PPP3R1: variants seen among roughly 807,000 people sequenced by gnomAD.
PPP3R1 encodes calcineurin subunit B type 1.
Under a neutral mutation model 22.6 loss-of-function variants are expected in PPP3R1, and 5 were observed. That is an observed-to-expected ratio of 0.22 (90% CI 0.12 to 0.46). The LOEUF (loss-of-function observed/expected upper bound fraction) is 0.46, where lower values mean the gene tolerates loss of function less well. Among genes scored for constraint, PPP3R1 ranks in the 20% least tolerant of loss-of-function variants. The pLI is 0.99. For synonymous variants in PPP3R1, 56 were observed against 65.2 expected (o/e 0.86, Z 0.68); for missense variants, 61 against 203.2 (o/e 0.30, Z 4.25).
At chr2:68,236,387 T>C (rs1572975813) in intron 1 of PPP3R1, among the ~76,000 whole-genome samples, 1 of 152,204 alleles carries the variant, frequency 6.6e-6, no homozygotes, top group Non-Finnish European at 1.5e-5. Context: ...ATTTATTATC[T>C]GGTCCTTTGC....
chr2:68,202,312 C>T (rs962836726), intron 2 of PPP3R1, among the ~76,000 whole-genome samples: 1 of 152,134 alleles, frequency 6.6e-6, no homozygotes, highest in Non-Finnish European at 1.5e-5. Context: ...ACCTCATTAC[C>T]GAAACTACAA....
intron 1 of PPP3R1, among the ~76,000 whole-genome samples, chr2:68,235,617 G>A (rs1237339869): frequency 6.6e-6 from 1 of 151,952 alleles, no homozygotes; most frequent in East Asian, 1.9e-4. Flanking sequence ...TAAACATTTG[G>A]ACTGTTTCCA....
chr2:68,251,854 G>A (rs1191384421), intron 1 of PPP3R1, among the ~76,000 whole-genome samples: 1 of 147,752 alleles, frequency 6.8e-6, no homozygotes, highest in Non-Finnish European at 1.5e-5. Flanking sequence ...GGCGGCGCGG[G>A]GGTGGGGCGA....
intron 2 of PPP3R1, among the ~76,000 whole-genome samples, chr2:68,196,503 G>C (rs542741665): frequency 2.1e-4 from 32 of 152,046 alleles, no homozygotes; most frequent in Non-Finnish European, 3.4e-4. Context: ...ATTATGAAAT[G>C]AACACAGGTC....
At chr2:68,212,506 T>C (rs1669506258) in intron 2 of PPP3R1, among the ~76,000 whole-genome samples, 2 of 152,232 alleles carry the variant, frequency 1.3e-5, no homozygotes, top group Non-Finnish European at 2.9e-5. Context: ...TACTCTTTAC[T>C]CCATGGGCTA....
intron 1 of PPP3R1, among the ~76,000 whole-genome samples, chr2:68,240,438 AAAAC>A (rs1285260076): frequency 6.6e-6 from 1 of 152,194 alleles, no homozygotes; most frequent in Non-Finnish European, 1.5e-5. Flanking sequence ...TAACAGATGA[AAAAC>A]AAAACAGACA....
At chr2:68,223,739 T>C (rs1174445580) in intron 1 of PPP3R1, among the ~76,000 whole-genome samples, 5 of 149,504 alleles carry the variant, frequency 3.3e-5, no homozygotes, top group Admixed American at 2.0e-4. Context: ...AAAAGTGTCA[T>C]ATGTAATAAG....
intron 1 of PPP3R1, among the ~76,000 whole-genome samples, chr2:68,219,263 T>G (rs1205584799): frequency 6.6e-6 from 1 of 152,218 alleles, no homozygotes; most frequent in Admixed American, 6.5e-5. Context: ...ACAGCAAGAA[T>G]GTCTTCATAG....
intron 1 of PPP3R1, among the ~76,000 whole-genome samples, chr2:68,231,608 T>C (rs930600777): frequency 1.3e-5 from 2 of 152,222 alleles, no homozygotes; most frequent in Non-Finnish European, 2.9e-5. Flanking sequence ...TTTACACTTT[T>C]ATCATTTTAT....
chr2:68,234,914 C>T (rs1208509508), intron 1 of PPP3R1, among the ~76,000 whole-genome samples: 1 of 152,022 alleles, frequency 6.6e-6, no homozygotes, highest in Non-Finnish European at 1.5e-5. Context: ...TTGACTATGG[C>T]CATAGGAAAT....
chr2:68,211,166 G>A lies in PPP3R1; in HGVS notation c.43+5926C>T, dbSNP rs1669474999. Among the ~76,000 whole-genome samples the A allele has an allele frequency of 2.0e-5, 3 of 152,224 alleles. No individual in the cohort carries two copies. In the South Asian group the frequency reaches 6.2e-4, roughly 32 times the overall value. The stretch of plus-strand genomic sequence containing the variant: ...TCACGCCTGTAATCCCAGCACTTTG[G>A]GAGGCCGAGACAGGCGGATCACAAG... On this transcript the variant is annotated intron_variant, in intron 2 of 5. Coordinates refer to ENST00000234310, the MANE Select transcript of PPP3R1 (RefSeq NM_000945.4).
chr2:68,249,871 T>C (rs1211584574), intron 1 of PPP3R1, among the ~76,000 whole-genome samples: 1 of 152,240 alleles, frequency 6.6e-6, no homozygotes, highest in East Asian at 1.9e-4. Flanking sequence ...CTGTAAATGC[T>C]GTTGACAGAA....
At chr2:68,199,486 T>A (rs1476083718) in intron 2 of PPP3R1, among the ~76,000 whole-genome samples, 1 of 152,164 alleles carries the variant, frequency 6.6e-6, no homozygotes, top group East Asian at 1.9e-4. Context: ...GGACTTCAAA[T>A]ACAACGTTGA....
chr2:68,214,146 A>G (rs1270152623), intron 2 of PPP3R1, among the ~76,000 whole-genome samples: 1 of 152,190 alleles, frequency 6.6e-6, no homozygotes, highest in Non-Finnish European at 1.5e-5. Flanking sequence ...AACTCAAGGT[A>G]GATTAAAGAC....
chr2:68,227,253 C>T (rs1159224034), intron 1 of PPP3R1, among the ~76,000 whole-genome samples: 1 of 151,890 alleles, frequency 6.6e-6, no homozygotes, highest in Non-Finnish European at 1.5e-5. Context: ...AACTGACAAT[C>T]GTAATAGAAT....
At chr2:68,223,516 A>G (rs971428333) in intron 1 of PPP3R1, among the ~76,000 whole-genome samples, 1 of 152,232 alleles carries the variant, frequency 6.6e-6, no homozygotes, top group Non-Finnish European at 1.5e-5. Flanking sequence ...ACTGAGGATT[A>G]TTCCAGCAAT....
At chr2:68,250,284 C>A (rs1286409144) in intron 1 of PPP3R1, among the ~76,000 whole-genome samples, 2 of 151,898 alleles carry the variant, frequency 1.3e-5, no homozygotes, top group Admixed American at 6.5e-5. Context: ...GACAAGAAAA[C>A]AGAGTTAACA....
At position 68,242,089 on chromosome 2, in the gene PPP3R1, G is replaced by A. The variant is rs373929481; in HGVS notation, c.3+10036C>T. Among the ~76,000 whole-genome samples, 133 of 152,220 alleles carry A rather than the reference G, an allele frequency of 8.7e-4. 1 individual carries two copies. The South Asian group carries it at 0.026, about 30-fold the overall frequency. On this transcript the variant is annotated intron_variant, in intron 1 of 5. Coordinates refer to ENST00000234310, the MANE Select transcript of PPP3R1 (RefSeq NM_000945.4). ...TTTAAAATTTAAACAACCACATACA[G>A]CTAGTGTCTACTGAATTAAACATCA... is the stretch of plus-strand genomic sequence containing the variant.
intron 1 of PPP3R1, among the ~76,000 whole-genome samples, chr2:68,243,587 A>G (rs368234713): frequency 6.6e-6 from 1 of 152,176 alleles, no homozygotes; most frequent in Non-Finnish European, 1.5e-5. Flanking sequence ...TTAGGTAGAA[A>G]TAAGTACAAA....
Sources: allele counts gnomAD v4.1 joint callset (sites outside exome capture counted in the v4.1 genomes callset), GRCh38; gene constraint gnomAD v4.1.1; transcripts MANE v1.5; gene names NCBI Gene and HGNC (gene_info 2026-07-23, HGNC 2026-07-21).